KIF4A: variants seen among roughly 807,000 people sequenced by gnomAD.
KIF4A encodes chromosome-associated kinesin KIF4A.
Under a neutral mutation model 105.9 loss-of-function variants are expected in KIF4A, and 7 were observed. That is an observed-to-expected ratio of 0.07 (90% CI 0.04 to 0.12). The LOEUF (loss-of-function observed/expected upper bound fraction) is 0.12. Among genes scored for constraint, KIF4A ranks in the 10% least tolerant of loss-of-function variants. The pLI, the probability that KIF4A is intolerant of heterozygous loss-of-function variation, is 1.00. For missense variants in KIF4A, 558 were observed against 929.2 expected, an observed-to-expected ratio of 0.60 and a Z score of 5.19; for synonymous variants, 281 against 331.3, an observed-to-expected ratio of 0.85 and a Z score of 1.65.
At chrX:70,300,193 G>C (rs1431328306) in intron 5 of KIF4A, among the ~76,000 whole-genome samples, 1 of 111,591 alleles carries the variant, frequency 9.0e-6, no homozygotes, top group Non-Finnish European at 1.9e-5. Flanking sequence ...TCATTAAGTT[G>C]TTAGCCAGCT....
intron 10 of KIF4A, among the ~76,000 whole-genome samples, chrX:70,340,777 C>G (rs1338356802): frequency 9.0e-6 from 1 of 111,143 alleles, no homozygotes; most frequent in Non-Finnish European, 1.9e-5. Flanking sequence ...CCTTTTCTAT[C>G]CTTTATTGAG....
intron 8 of KIF4A, 94 bp from the exon 9 acceptor site, chrX:70,330,063 G>T: frequency 1.3e-6 from 1 of 741,301 alleles, no homozygotes; most frequent in South Asian, 3.5e-5. Context: ...TTATAGCTCT[G>T]AATTTTAAGT....
intron 18 of KIF4A, among the ~76,000 whole-genome samples, chrX:70,383,847 G>A (rs146020076): frequency 1.8e-5 from 2 of 112,201 alleles, no homozygotes; most frequent in East Asian, 5.6e-4. Flanking sequence ...ATTAAAATCT[G>A]TAGAGACAAA....
At chrX:70,326,263 G>A (rs905547660) in intron 7 of KIF4A, among the ~76,000 whole-genome samples, 2 of 112,003 alleles carry the variant, frequency 1.8e-5, no homozygotes, top group Non-Finnish European at 3.8e-5. Context: ...TTACGGGGAA[G>A]GAGGCTGTCC....
chrX:70,341,901 G>A lies in KIF4A; in HGVS notation c.1236G>A (p.Gln412=). The A allele has an allele frequency of 8.3e-7, 1 of 1,211,116 alleles. No individual in the cohort carries two copies. The highest frequency in any genetic ancestry group is 1.8e-5 in the South Asian group (1 of 56,719). The change falls in exon 11 of 31, where the codon CAG becomes CAA. Residue 412 remains glutamine, a synonymous_variant. Coordinates refer to ENST00000374403, the MANE Select transcript of KIF4A (RefSeq NM_012310.5). ...GTGGTCTGAGCGAGGCAGCTGGTCA[G>A]ACAGCCCAGATGTTGGAGAGGATCA... ...LSRGLSEAAG[Q]TAQMLERIIL...
chrX:70,357,708 A>G (rs895582928), intron 15 of KIF4A, among the ~76,000 whole-genome samples: 15 of 112,102 alleles, frequency 1.3e-4, no homozygotes, highest in Non-Finnish European at 2.6e-4. Flanking sequence ...TGTTTTCTTC[A>G]TTATTTTGAA....
At chrX:70,414,632 G>T (rs1363211944) in intron 28 of KIF4A, among the ~76,000 whole-genome samples, 3 of 112,160 alleles carry the variant, frequency 2.7e-5, no homozygotes, top group Non-Finnish European at 5.6e-5. Flanking sequence ...ACTTTGAGAG[G>T]ATTTGGACAG....
At chrX:70,419,557 TA>T in intron 29 of KIF4A, 103 bp from the exon 30 acceptor site, 1 of 998,311 alleles carries the variant, frequency 1.0e-6, no homozygotes, top group Non-Finnish European at 1.4e-6. Flanking sequence ...TTCAGCTGAC[TA>T]ATCAGGCACT....
intron 18 of KIF4A, among the ~76,000 whole-genome samples, chrX:70,382,119 A>G (rs1204951743): frequency 8.9e-6 from 1 of 112,555 alleles, no homozygotes; most frequent in Admixed American, 9.4e-5. Flanking sequence ...CCGGGTAGTC[A>G]TATGCAAAAT....
intron 3 of KIF4A, among the ~76,000 whole-genome samples, chrX:70,295,490 A>C (rs1452748602): frequency 9.0e-6 from 1 of 111,163 alleles, no homozygotes; most frequent in Admixed American, 9.5e-5. Context: ...CTCAAACAGA[A>C]ATATATTTTA....
At chrX:70,376,315 A>G (rs969534396) in intron 18 of KIF4A, 105 bp downstream of exon 18, 2 of 465,827 alleles carry the variant, frequency 4.3e-6, no homozygotes, top group African/African-American at 4.9e-5. Flanking sequence ...CAAAAGTGTG[A>G]CATTCTCATG....
chrX:70,392,935 A>G (rs1456188109), intron 20 of KIF4A, among the ~76,000 whole-genome samples: 3 of 103,339 alleles, frequency 2.9e-5, no homozygotes, highest in African/African-American at 1.0e-4. Context: ...ATCTTGGCTC[A>G]CTGCAAGCTC....
intron 18 of KIF4A, among the ~76,000 whole-genome samples, chrX:70,376,641 A>G (rs1331239614): frequency 8.9e-6 from 1 of 112,120 alleles, no homozygotes; most frequent in Non-Finnish European, 1.9e-5. Flanking sequence ...TTCCAGATAG[A>G]TAGATCAAAG....
chrX:70,352,268 A>C (rs752343240), intron 13 of KIF4A, among the ~76,000 whole-genome samples: 1 of 112,187 alleles, frequency 8.9e-6, no homozygotes, highest in African/African-American at 3.2e-5. Context: ...TAGAGTCCAT[A>C]AAATGGGTTA....
At chrX:70,322,374 C>T (rs1409671167) in intron 7 of KIF4A, among the ~76,000 whole-genome samples, 1 of 108,997 alleles carries the variant, frequency 9.2e-6, no homozygotes. Flanking sequence ...TGCAGTGGCG[C>T]AATCTCGGCT....
At chrX:70,347,655 A>G (rs1185119279) in intron 13 of KIF4A, among the ~76,000 whole-genome samples, 1 of 111,003 alleles carries the variant, frequency 9.0e-6, no homozygotes, top group African/African-American at 3.3e-5. Context: ...AAGGGTAACC[A>G]TTATAGATTT....
At chrX:70,379,004 CA>C (rs1017265283) in intron 18 of KIF4A, among the ~76,000 whole-genome samples, 23 of 105,478 alleles carry the variant, frequency 2.2e-4, no homozygotes, top group Non-Finnish European at 4.1e-4. Flanking sequence ...AAAATACAAA[CA>C]AAAAAAAATT....
intron 18 of KIF4A, 22 bp from the exon 19 acceptor site, chrX:70,386,596 T>TA (rs1466612590): frequency 8.8e-7 from 1 of 1,140,874 alleles, no homozygotes; most frequent in Middle Eastern, 2.4e-4. Context: ...CAGCAATTAA[T>TA]ATCTGACTTT....
At chrX:70,398,326 T>C (rs1279655284) in intron 22 of KIF4A, among the ~76,000 whole-genome samples, 3 of 112,399 alleles carry the variant, frequency 2.7e-5, no homozygotes, top group Non-Finnish European at 5.6e-5. Context: ...GTGTGAGCCA[T>C]TGTGCCCAGC....
Sources: gnomAD v4.1 joint callset for allele counts (sites outside exome capture counted in the v4.1 genomes callset) on GRCh38, gnomAD v4.1.1 for gene constraint, MANE v1.5 for transcripts, NCBI Gene and HGNC (gene_info 2026-07-23, HGNC 2026-07-21) for gene names.